TSHZ2: variants seen among roughly 807,000 people sequenced by gnomAD.
The protein encoded by TSHZ2 is teashirt homolog 2.
In TSHZ2, 21 loss-of-function variants were observed where a neutral mutation model predicts 74.4. The ratio of observed to expected loss-of-function variants is 0.28; its 90% confidence interval spans 0.20 to 0.41. The LOEUF (loss-of-function observed/expected upper bound fraction) is 0.41, where lower values mean the gene tolerates loss of function less well. Ranked by LOEUF, TSHZ2 falls within the 10% of genes least tolerant of loss-of-function variation. TSHZ2 has a pLI of 1.00. For synonymous variants in TSHZ2, 540 were observed against 515.3 expected, an observed-to-expected ratio of 1.05 and a Z score of -0.65; for missense variants, 1,244 against 1,293.5, an observed-to-expected ratio of 0.96 and a Z score of 0.59.
At chr20:53,159,450 GC>G (rs1354184613) in intron 1 of TSHZ2, among the ~76,000 whole-genome samples, 1 of 152,020 alleles carries the variant, frequency 6.6e-6, no homozygotes, top group Non-Finnish European at 1.5e-5. Flanking sequence ...GACCCTCAAA[GC>G]CTGAAATATT....
intron 1 of TSHZ2, among the ~76,000 whole-genome samples, chr20:53,146,630 G>T (rs187685553): frequency 1.1e-4 from 17 of 152,298 alleles, no homozygotes; most frequent in Middle Eastern, 3.4e-3. Flanking sequence ...AAATAAATGT[G>T]TAATTGCCCT....
intron 2 of TSHZ2, among the ~76,000 whole-genome samples, chr20:53,305,345 C>T (rs1978485975): frequency 6.6e-6 from 1 of 152,190 alleles, no homozygotes; most frequent in African/African-American, 2.4e-5. Flanking sequence ...ATTTATTATG[C>T]TGTAGCCCGG....
chr20:53,255,126 G>A lies in TSHZ2; in HGVS notation c.1668G>A (p.Pro556=), dbSNP rs45544736. The part of the protein sequence containing the change: ...AAYQLSEGTK[P]PLPMGSQVLQ... ...ACCAGCTGTCTGAGGGCACCAAGCC[G>A]CCTTTGCCTATGGGATCCCAGGTAC... The change falls in exon 2 of 3, where the codon CCG becomes CCA. Residue 556 remains proline (P), a synonymous_variant. Transcript: ENST00000371497. The surrounding 1 kb of genome is among the most constrained non-coding windows in gnomAD (Gnocchi z 4.1). The A allele has an allele frequency of 0.013, 21,121 of 1,614,132 alleles. 163 individuals are homozygous for A. Among genetic ancestry groups the A allele is most frequent in the Non-Finnish European group, 0.016 (18,784 of 1,180,024 alleles).
intron 2 of TSHZ2, among the ~76,000 whole-genome samples, chr20:53,301,952 G>C (rs1978334064): frequency 6.6e-6 from 1 of 152,192 alleles, no homozygotes; most frequent in Admixed American, 6.5e-5. Context: ...AACTTTCCTT[G>C]AAAAGGAAAA....
At chr20:53,159,042 A>G (rs1258897683) in intron 1 of TSHZ2, among the ~76,000 whole-genome samples, 1 of 152,262 alleles carries the variant, frequency 6.6e-6, no homozygotes, top group Non-Finnish European at 1.5e-5. Context: ...GAAAACAAAT[A>G]CGATAGGTAC....
In TSHZ2 at chr20:53,253,540, AAAG is replaced by A. The variant is rs552810975; in HGVS notation, c.87_89del (p.Glu34del). On this transcript the variant is annotated inframe_deletion, in exon 2 of 3. Transcript: ENST00000371497. ...ACAGCTGAAAGAAGAGGAGGAAATA[AAAG>A]AAGAGGAGGAGGAGGAGGACAGCGG... 666 of 1,612,890 alleles carry A rather than the reference AAAG, an allele frequency of 4.1e-4. No individual in the cohort carries two copies. The African/African-American group carries it at 4.8e-3, about 12-fold the overall frequency.
chr20:53,185,561 AGT>A (rs1988578917), intron 1 of TSHZ2: 1 of 1,474,464 alleles, frequency 6.8e-7, no homozygotes, highest in Admixed American at 2.0e-5. Flanking sequence ...CAGAGGTTGC[AGT>A]GAGCTGAGAT....
chr20:53,428,887 C>T (rs1983743662), intron 2 of TSHZ2, among the ~76,000 whole-genome samples: 1 of 152,152 alleles, frequency 6.6e-6, no homozygotes, highest in Non-Finnish European at 1.5e-5. Flanking sequence ...TCAGGAAATG[C>T]CAGTTTCCCT....
At chr20:53,208,118 T>C (rs1989216644) in intron 1 of TSHZ2, among the ~76,000 whole-genome samples, 1 of 152,202 alleles carries the variant, frequency 6.6e-6, no homozygotes, top group Non-Finnish European at 1.5e-5. Flanking sequence ...TCTACCACCA[T>C]TTCCCCTTTA....
At chr20:53,163,360 C>CTTTTTTTTTTTTTTTTTTTT (rs55685519) in intron 1 of TSHZ2, among the ~76,000 whole-genome samples, 2 of 65,634 alleles carry the variant, frequency 3.0e-5, no homozygotes, top group Admixed American at 2.0e-4. Flanking sequence ...CTCTCTGTCT[C>CTTTTTTTTTTTTTTTTTTTT]TTTTTTTTTT....
rs372618055 is a variant in TSHZ2, at chr20:53,187,127, A to G, written c.41-66372A>G. On this transcript the variant is annotated intron_variant, in intron 1 of 2. Transcript: ENST00000371497. ...TATAGCATAGATACAGGACAGTGATAATGATTTGACACTCGCCGCACGTCT... is the reference window on the plus strand; with the variant it reads ...TATAGCATAGATACAGGACAGTGATGATGATTTGACACTCGCCGCACGTCT... 5.5e-4 allele frequency among the ~76,000 whole-genome samples: 83 copies of G among 152,292 alleles called. 2 individuals are homozygous for G. The highest frequency in any genetic ancestry group is 1.9e-3 in the African/African-American group (81 of 41,568).
At chr20:53,175,935 G>A (rs1387633908) in intron 1 of TSHZ2, among the ~76,000 whole-genome samples, 2 of 152,210 alleles carry the variant, frequency 1.3e-5, no homozygotes, top group Admixed American at 6.5e-5. Context: ...GAGATTATTT[G>A]CTAGCAAAGG....
intron 2 of TSHZ2, among the ~76,000 whole-genome samples, chr20:53,405,941 G>A (rs554654215): frequency 2.0e-5 from 3 of 152,204 alleles, no homozygotes; most frequent in Admixed American, 6.5e-5. Flanking sequence ...AGGTTGCAAT[G>A]AGCCTATATT....
At chr20:53,108,457 A>G (rs75153606) in intron 1 of TSHZ2, among the ~76,000 whole-genome samples, 89 of 152,342 alleles carry the variant, frequency 5.8e-4, no homozygotes, top group South Asian at 1.2e-3. Flanking sequence ...TTACAATTAT[A>G]GCTGGAAGAC....
At chr20:53,315,840 T>A (rs1317704247) in intron 2 of TSHZ2, among the ~76,000 whole-genome samples, 3 of 152,194 alleles carry the variant, frequency 2.0e-5, no homozygotes, top group African/African-American at 7.2e-5. Context: ...AGAAGCTAGA[T>A]TTTAGGGGCC....
At chr20:53,208,663 G>GT (rs771480642) in intron 1 of TSHZ2, 5 of 152,184 alleles carry the variant, frequency 3.3e-5, no homozygotes, top group Non-Finnish European at 7.3e-5. Flanking sequence ...AATCCTGTAG[G>GT]TTGGAATTGC....
At chr20:53,234,445 C>G (rs1231952804) in intron 1 of TSHZ2, among the ~76,000 whole-genome samples, 1 of 152,014 alleles carries the variant, frequency 6.6e-6, no homozygotes, top group Non-Finnish European at 1.5e-5. Context: ...TACAAACTAA[C>G]AAAGAAAGAT....
intron 1 of TSHZ2, among the ~76,000 whole-genome samples, chr20:53,048,679 A>C (rs1301929596): frequency 1.3e-5 from 2 of 152,232 alleles, no homozygotes; most frequent in African/African-American, 4.8e-5. Context: ...TCAGTCTGCA[A>C]AGTGAGAACT....
At chr20:53,215,196 C>A (rs1431483023) in intron 1 of TSHZ2, among the ~76,000 whole-genome samples, 1 of 152,072 alleles carries the variant, frequency 6.6e-6, no homozygotes, top group African/African-American at 2.4e-5. Context: ...GCACTGAGCC[C>A]ACTTTTCCAC....
Sources: gnomAD v4.1 joint callset for allele counts (sites outside exome capture counted in the v4.1 genomes callset) on GRCh38, gnomAD v4.1.1 for gene constraint, Gnocchi (gnomAD v3.1) non-coding constraint, MANE v1.5 for transcripts, NCBI Gene and HGNC (gene_info 2026-07-23, HGNC 2026-07-21) for gene names.